ADGRB3: variants seen among roughly 807,000 people sequenced by gnomAD.
The protein encoded by ADGRB3 is adhesion G protein-coupled receptor B3.
A neutral mutation model predicts 193.4 loss-of-function variants in ADGRB3; 37 were observed. The observed-to-expected ratio is 0.19, with a 90% confidence interval of 0.15 to 0.25. The LOEUF is 0.25. Among genes scored for constraint, ADGRB3 ranks in the 10% least tolerant of loss-of-function variants. The pLI, the probability that ADGRB3 is intolerant of heterozygous loss-of-function variation, is 1.00. For synonymous variants in ADGRB3, 690 were observed against 644.2 expected, an observed-to-expected ratio of 1.07 and a Z score of -1.08; for missense variants, 1,637 against 1,852.9, an observed-to-expected ratio of 0.88 and a Z score of 2.14.
intron 3 of ADGRB3, among the ~76,000 whole-genome samples, chr6:68,718,157 A>G (rs1370943833): frequency 6.6e-6 from 1 of 151,660 alleles, no homozygotes; most frequent in Non-Finnish European, 1.5e-5. Flanking sequence ...CTCTTAAATT[A>G]TTAAGGAAGG....
At chr6:69,043,995 G>A (rs1332494551) in intron 13 of ADGRB3, among the ~76,000 whole-genome samples, 1 of 152,020 alleles carries the variant, frequency 6.6e-6, no homozygotes, top group Non-Finnish European at 1.5e-5. Flanking sequence ...GAGGTGAGAT[G>A]GCGCCAGTGC....
chr6:68,755,039 G>C (rs1202629489), intron 3 of ADGRB3, among the ~76,000 whole-genome samples: 1 of 152,206 alleles, frequency 6.6e-6, no homozygotes, highest in African/African-American at 2.4e-5. Flanking sequence ...GCAACCACAT[G>C]TGCTTGTGGT....
intron 17 of ADGRB3, among the ~76,000 whole-genome samples, chr6:69,105,994 G>C (rs1482366939): frequency 2.6e-5 from 4 of 151,770 alleles, no homozygotes; most frequent in Admixed American, 1.3e-4. Flanking sequence ...AATTAGCCAG[G>C]ACATGGTGGC....
At chr6:68,945,685 C>G (rs1199493271) in intron 6 of ADGRB3, among the ~76,000 whole-genome samples, 1 of 152,048 alleles carries the variant, frequency 6.6e-6, no homozygotes, top group African/African-American at 2.4e-5. Flanking sequence ...TTCATAAATA[C>G]AAACATAAAA....
intron 30 of ADGRB3, among the ~76,000 whole-genome samples, chr6:69,381,294 A>T (rs1056916696): frequency 1.3e-5 from 2 of 151,856 alleles, no homozygotes; most frequent in Non-Finnish European, 2.9e-5. Flanking sequence ...CCCCAAACTG[A>T]TGGGAAGTTA....
intron 6 of ADGRB3, among the ~76,000 whole-genome samples, chr6:68,947,338 G>A (rs1431279640): frequency 1.3e-5 from 2 of 152,016 alleles, no homozygotes. Flanking sequence ...AATTTTCATT[G>A]TAGTCATTAA....
At chr6:69,380,593 A>G (rs1769926426) in intron 30 of ADGRB3, among the ~76,000 whole-genome samples, 1 of 151,998 alleles carries the variant, frequency 6.6e-6, no homozygotes, top group Non-Finnish European at 1.5e-5. Context: ...AGGATAGACA[A>G]ATAAGACCAT....
At chr6:68,983,754 C>G (rs1051495435) in intron 10 of ADGRB3, among the ~76,000 whole-genome samples, 1 of 151,876 alleles carries the variant, frequency 6.6e-6, no homozygotes, top group Non-Finnish European at 1.5e-5. Context: ...AAAATAATTA[C>G]AAATTCTTAT....
intron 29 of ADGRB3, among the ~76,000 whole-genome samples, chr6:69,369,282 C>G (rs2127338581): frequency 6.6e-6 from 1 of 152,238 alleles, no homozygotes; most frequent in South Asian, 2.1e-4. Flanking sequence ...AACTTCAATA[C>G]TTTGAAAGAC....
At chr6:69,151,704 A>G (rs1310976620) in intron 17 of ADGRB3, among the ~76,000 whole-genome samples, 2 of 152,172 alleles carry the variant, frequency 1.3e-5, no homozygotes, top group African/African-American at 2.4e-5. Context: ...TCCTGTCCGT[A>G]TATTTCTGAT....
chr6:69,237,489 C>G (rs1311330786), intron 19 of ADGRB3, among the ~76,000 whole-genome samples: 3 of 151,900 alleles, frequency 2.0e-5, no homozygotes, highest in Non-Finnish European at 4.4e-5. Context: ...ACTGTATTAA[C>G]ATAAAGCATT....
In ADGRB3 at chr6:68,968,531, T is replaced by C. The variant is rs1325305309; in HGVS notation, c.1526-6232T>C. Among the ~76,000 whole-genome samples, 7 of 152,164 alleles carry C rather than the reference T, an allele frequency of 4.6e-5. No homozygotes were observed. The East Asian group carries it at 1.2e-3, about 25-fold the overall frequency. The stretch of plus-strand genomic sequence containing the variant: ...TAAAGGAAATTTGAATTTCAAAGCA[T>C]TGAAAACCAAAAAGATAGTACAAGT... On this transcript the variant is annotated intron_variant, in intron 8 of 31. Transcript: ENST00000370598.
At chr6:69,378,511 AG>A (rs1359870066) in intron 30 of ADGRB3, among the ~76,000 whole-genome samples, 1 of 151,980 alleles carries the variant, frequency 6.6e-6, no homozygotes, top group East Asian at 1.9e-4. Context: ...TTTACCTCCC[AG>A]GGTTATTGTG....
intron 8 of ADGRB3, among the ~76,000 whole-genome samples, chr6:68,969,186 A>G (rs144410344): frequency 1.9e-3 from 292 of 152,276 alleles, no homozygotes; most frequent in Middle Eastern, 0.01. Context: ...AGATATAACC[A>G]AGTATTTTCA....
intron 20 of ADGRB3, among the ~76,000 whole-genome samples, chr6:69,302,496 G>A (rs966182187): frequency 1.1e-4 from 16 of 151,774 alleles, no homozygotes; most frequent in Admixed American, 9.2e-4. Flanking sequence ...AATACCCCTG[G>A]CCATCCACAA....
intron 3 of ADGRB3, among the ~76,000 whole-genome samples, chr6:68,756,370 A>G (rs193163569): frequency 4.3e-4 from 65 of 152,310 alleles, no homozygotes; most frequent in African/African-American, 1.5e-3. Flanking sequence ...TCAAGTGCAT[A>G]CCGTTCTTCC....
chr6:69,086,134 G>A (rs1056888850), intron 17 of ADGRB3, among the ~76,000 whole-genome samples: 5 of 151,838 alleles, frequency 3.3e-5, no homozygotes, highest in African/African-American at 1.2e-4. Context: ...AATATATTTT[G>A]CAAAGAATGA....
intron 11 of ADGRB3, among the ~76,000 whole-genome samples, chr6:68,996,812 T>C (rs1425755017): frequency 6.6e-6 from 1 of 152,152 alleles, no homozygotes; most frequent in Non-Finnish European, 1.5e-5. Flanking sequence ...CTTTGGACCC[T>C]AGCCAAGTGC....
chr6:69,014,682 C>CA (rs1346634553), intron 12 of ADGRB3, among the ~76,000 whole-genome samples: 1 of 151,860 alleles, frequency 6.6e-6, no homozygotes, highest in Admixed American at 6.6e-5. Context: ...ACTGATAAGA[C>CA]AGTGACTAAT....
Sources: gnomAD v4.1 joint callset for allele counts (sites outside exome capture counted in the v4.1 genomes callset) on GRCh38, gnomAD v4.1.1 for gene constraint, MANE v1.5 for transcripts, NCBI Gene and HGNC (gene_info 2026-07-23, HGNC 2026-07-21) for gene names.